TRPM3: variants seen among roughly 807,000 people sequenced by gnomAD.
The protein encoded by TRPM3 is long transient receptor potential channel 3.
TRPM3 carries 77 observed loss-of-function variants against 181.2 expected under a neutral mutation model. That is an observed-to-expected ratio of 0.42 (90% CI 0.35 to 0.51). The LOEUF (loss-of-function observed/expected upper bound fraction) is 0.51. TRPM3 is among the 20% of genes least tolerant of loss of function. The pLI, the probability that TRPM3 is intolerant of heterozygous loss-of-function variation, is 0.01. For missense variants in TRPM3, 1,759 were observed against 2,196.7 expected (o/e 0.80, Z 3.98); for synonymous variants, 745 against 796.4 (o/e 0.94, Z 1.09).
At chr9:70,669,919 T>C (rs953937112) in intron 9 of TRPM3, among the ~76,000 whole-genome samples, 2 of 152,096 alleles carry the variant, frequency 1.3e-5, no homozygotes, top group African/African-American at 2.4e-5. Context: ...AAAATTTTTG[T>C]AGACATGGCA....
intron 1 of TRPM3, among the ~76,000 whole-genome samples, chr9:71,380,186 G>A (rs184493467): frequency 7.9e-4 from 120 of 151,994 alleles, no homozygotes; most frequent in African/African-American, 2.5e-3. Flanking sequence ...TGCTTGCGGG[G>A]AATTCTTCCT....
At chr9:71,015,443 G>A (rs1248889225) in intron 1 of TRPM3, among the ~76,000 whole-genome samples, 4 of 152,204 alleles carry the variant, frequency 2.6e-5, no homozygotes, top group African/African-American at 9.6e-5. Context: ...CCATGTTCCA[G>A]ATAACCAGAC....
intron 1 of TRPM3, among the ~76,000 whole-genome samples, chr9:71,353,013 A>G (rs1287564088): frequency 6.6e-6 from 1 of 152,058 alleles, no homozygotes; most frequent in African/African-American, 2.4e-5. Flanking sequence ...TCCCACACCA[A>G]CCAAATCAGA....
chr9:71,295,833 C>T (rs796934271), intron 1 of TRPM3, among the ~76,000 whole-genome samples: 8 of 110,348 alleles, frequency 7.2e-5, no homozygotes, highest in African/African-American at 2.7e-4. Flanking sequence ...AGTGAGATCC[C>T]GTCTCAAAAA....
intron 1 of TRPM3, among the ~76,000 whole-genome samples, chr9:71,030,601 C>T (rs1311567647): frequency 6.6e-6 from 1 of 151,386 alleles, no homozygotes; most frequent in Non-Finnish European, 1.5e-5. Flanking sequence ...AAAAATAACA[C>T]CCAGGTATCC....
At chr9:71,335,868 G>C (rs1169900216) in intron 1 of TRPM3, among the ~76,000 whole-genome samples, 1 of 151,910 alleles carries the variant, frequency 6.6e-6, no homozygotes, top group Non-Finnish European at 1.5e-5. Flanking sequence ...ATCCTTTTTG[G>C]CATCTGACTC....
chr9:71,433,992 C>T (rs1267512766), intron 1 of TRPM3, among the ~76,000 whole-genome samples: 1 of 152,030 alleles, frequency 6.6e-6, no homozygotes, highest in East Asian at 1.9e-4. Context: ...CCCATCTCTA[C>T]TAAAAATACG....
chr9:70,543,010 TAACTC>T (rs1325747907), intron 25 of TRPM3, among the ~76,000 whole-genome samples: 2 of 152,190 alleles, frequency 1.3e-5, no homozygotes, highest in South Asian at 4.1e-4. Flanking sequence ...AGTTTAAACT[TAACTC>T]AGTTAATGGA....
intron 8 of TRPM3, among the ~76,000 whole-genome samples, chr9:70,742,885 C>T (rs1388201337): frequency 6.6e-6 from 1 of 152,094 alleles, no homozygotes; most frequent in Non-Finnish European, 1.5e-5. Flanking sequence ...CCTGGGCTTC[C>T]CTGTATTGCT....
chr9:70,881,439 A>C (rs1464047564), intron 1 of TRPM3, among the ~76,000 whole-genome samples: 1 of 152,186 alleles, frequency 6.6e-6, no homozygotes, highest in Admixed American at 6.5e-5. Flanking sequence ...ATGGAATTTG[A>C]TTACACAGTG....
At chr9:70,545,663 T>C (rs1015928180) in intron 25 of TRPM3, among the ~76,000 whole-genome samples, 1 of 148,704 alleles carries the variant, frequency 6.7e-6, no homozygotes, top group African/African-American at 2.5e-5. Flanking sequence ...TTTCCTGCCT[T>C]AGCTCCCACA....
At chr9:70,909,707 G>A (rs903860956) in intron 1 of TRPM3, among the ~76,000 whole-genome samples, 1 of 152,010 alleles carries the variant, frequency 6.6e-6, no homozygotes, top group African/African-American at 2.4e-5. Context: ...ATTTTCAAGG[G>A]GCCAATAAAC....
intron 1 of TRPM3, among the ~76,000 whole-genome samples, chr9:70,914,315 T>G (rs1306981769): frequency 2.6e-5 from 4 of 152,236 alleles, no homozygotes; most frequent in African/African-American, 9.6e-5. Context: ...CACTGAACTT[T>G]CTGGCACTGT....
intron 25 of TRPM3, among the ~76,000 whole-genome samples, chr9:70,548,433 C>T (rs2045609221): frequency 6.6e-6 from 1 of 152,118 alleles, no homozygotes; most frequent in South Asian, 2.1e-4. Context: ...AATAAAGGGC[C>T]AGGGACAAAA....
chr9:70,739,199 C>A (rs2073440024), intron 8 of TRPM3, among the ~76,000 whole-genome samples: 2 of 152,114 alleles, frequency 1.3e-5, no homozygotes, highest in African/African-American at 2.4e-5. Flanking sequence ...AGACCGATAT[C>A]CCTGATGAGC....
At chr9:71,226,657 TATACAG>T (rs2080680686) in intron 1 of TRPM3, among the ~76,000 whole-genome samples, 2 of 152,098 alleles carry the variant, frequency 1.3e-5, no homozygotes, top group African/African-American at 4.8e-5. Flanking sequence ...TATACACATA[TATACAG>T]ATATATATAT....
At chr9:71,344,766 C>A (rs1223988559) in intron 1 of TRPM3, among the ~76,000 whole-genome samples, 1 of 152,214 alleles carries the variant, frequency 6.6e-6, no homozygotes, top group East Asian at 1.9e-4. Context: ...TTCTGCTCAT[C>A]ACATAACACT....
intron 1 of TRPM3, among the ~76,000 whole-genome samples, chr9:71,306,963 T>A (rs1927938): frequency 6.6e-6 from 1 of 152,130 alleles, no homozygotes; most frequent in Admixed American, 6.5e-5. Context: ...CTGTAAAATA[T>A]CTTTGACATT....
intron 22 of TRPM3, among the ~76,000 whole-genome samples, chr9:70,568,547 C>G (rs1324587202): frequency 6.6e-6 from 1 of 152,134 alleles, no homozygotes; most frequent in Non-Finnish European, 1.5e-5. Context: ...TTGCTATACC[C>G]CAGGCATTAT....
Sources: allele counts gnomAD v4.1 joint callset (sites outside exome capture counted in the v4.1 genomes callset), GRCh38; gene constraint gnomAD v4.1.1; transcripts MANE v1.5; gene names NCBI Gene and HGNC (gene_info 2026-07-23, HGNC 2026-07-21).